Variants in ARID4A observed in about 807,000 individuals in gnomAD.
The protein encoded by ARID4A is AT-rich interaction domain 4A.
A neutral mutation model predicts 148.6 loss-of-function variants in ARID4A; 39 were observed. The observed-to-expected ratio is 0.26, with a 90% confidence interval of 0.20 to 0.34. The LOEUF is 0.34. Among genes scored for constraint, ARID4A ranks in the 10% least tolerant of loss-of-function variants. ARID4A has a pLI of 1.00. For missense variants in ARID4A, 1,265 were observed against 1,449.1 expected (o/e 0.87, Z 2.06); for synonymous variants, 475 against 481.2 (o/e 0.99, Z 0.17).
At chr14:58,365,467 CTTTTTT>C (rs71107938) in intron 20 of ARID4A, 45 bp from the exon 21 acceptor site, 133 of 351,380 alleles carry the variant, frequency 3.8e-4, no homozygotes, top group South Asian at 8.1e-4. Flanking sequence ...TATACTTGCT[CTTTTTT>C]TTTTTTTTTT....
At chr14:58,354,682 CATAA>C (rs1336937088) in intron 17 of ARID4A, among the ~76,000 whole-genome samples, 1 of 128,404 alleles carries the variant, frequency 7.8e-6, no homozygotes, top group Non-Finnish European at 1.7e-5. Flanking sequence ...AACCCTGTCT[CATAA>C]ATAAAAAAAA....
chr14:58,330,704 CA>C (rs2033472819), intron 11 of ARID4A, among the ~76,000 whole-genome samples: 1 of 152,098 alleles, frequency 6.6e-6, no homozygotes, highest in Non-Finnish European at 1.5e-5. Context: ...AAATCCTATC[CA>C]AACCCCAAAG....
intron 23 of ARID4A, among the ~76,000 whole-genome samples, 179 bp from the exon 24 acceptor site, chr14:58,371,703 GACTA>G (rs1390096367): frequency 6.6e-6 from 1 of 152,108 alleles, no homozygotes; most frequent in Admixed American, 6.6e-5. Context: ...ACTGACCAAA[GACTA>G]ACTCCACTTA....
intron 8 of ARID4A, among the ~76,000 whole-genome samples, chr14:58,324,529 C>G (rs1327334852): frequency 5.9e-5 from 9 of 152,184 alleles, no homozygotes; most frequent in Admixed American, 5.9e-4. Context: ...AATCTTCTCA[C>G]TTTGGCCTCC....
rs753080350 is a variant in ARID4A, at chr14:58,359,103, A to C, written c.1854-29A>C. ...GGTTATAATGTATAAAGTTTGTACAAACTCTTTTTTTTTTTTTTTTTTTTT... is the reference window on the plus strand; with the variant it reads ...GGTTATAATGTATAAAGTTTGTACACACTCTTTTTTTTTTTTTTTTTTTTT... On this transcript the variant is annotated intron_variant, in intron 17 of 23. Transcript: ENST00000355431. The C allele has an allele frequency of 3.6e-5, 53 of 1,467,856 alleles. 1 individual carries two copies. In the South Asian group the frequency reaches 6.5e-4, roughly 18 times the overall value. The allele number at this position is 1,467,856 out of a possible 1,614,324, so 90.9% of individuals were successfully genotyped here. A position where few individuals can be genotyped will look rare whatever the true frequency, so the allele number is the denominator to read the frequency against.
intron 11 of ARID4A, among the ~76,000 whole-genome samples, chr14:58,333,633 A>G (rs1044859408): frequency 6.6e-6 from 1 of 152,144 alleles, no homozygotes; most frequent in Admixed American, 6.5e-5. Flanking sequence ...ATTAATGCCT[A>G]AGATTATATT....
At chr14:58,363,081 T>C (rs1035890395) in intron 19 of ARID4A, among the ~76,000 whole-genome samples, 23 of 152,204 alleles carry the variant, frequency 1.5e-4, no homozygotes, top group South Asian at 2.1e-4. Context: ...GTGTCCAGTC[T>C]ATACAACTAC....
chr14:58,316,269 A>G (rs1422050125), intron 5 of ARID4A, among the ~76,000 whole-genome samples: 1 of 152,198 alleles, frequency 6.6e-6, no homozygotes, highest in Admixed American at 6.5e-5. Context: ...AATTAGTACT[A>G]AATCTTGATA....
chr14:58,347,720 A>G lies in ARID4A; in HGVS notation c.1246A>G (p.Lys416Glu), dbSNP rs1374844155. 6.2e-7 allele frequency: 1 copy of G among 1,613,908 alleles called. No homozygotes were observed. The highest frequency in any genetic ancestry group is 8.5e-7 in the Non-Finnish European group (1 of 1,179,952). Reference sequence around the variant, plus strand: ...CAGAACTGTTCATCACCATGAACCAAAAGTAAAAGAGGAAAAAAAAGACTT... The same window carrying G: ...CAGAACTGTTCATCACCATGAACCAGAAGTAAAAGAGGAAAAAAAAGACTT... ...QFRTVHHHEP[K>E]VKEEKKDLEE... The change falls in exon 15 of 24, where the codon AAA becomes GAA. Residue 416 changes from lysine to glutamate, a missense_variant. Physicochemically the swap from Lys to Glu is moderately conservative, Grantham distance 56. Around this residue, in one of 9 missense-constraint regions of ARID4A, gnomAD observed 205 missense variants for 196.9 expected, o/e 1.04. Coordinates refer to ENST00000355431, the MANE Select transcript of ARID4A (RefSeq NM_002892.4).
At chr14:58,358,217 C>G (rs1424182024) in intron 17 of ARID4A, among the ~76,000 whole-genome samples, 1 of 152,112 alleles carries the variant, frequency 6.6e-6, no homozygotes, top group East Asian at 1.9e-4. Context: ...CCCTATAATC[C>G]CAGCACTTTG....
intron 7 of ARID4A, among the ~76,000 whole-genome samples, chr14:58,322,363 C>G (rs535136226): frequency 3.9e-5 from 6 of 152,110 alleles, no homozygotes; most frequent in Non-Finnish European, 7.4e-5. Context: ...TCTAAGCTAA[C>G]TCCATAGACT....
intron 5 of ARID4A, among the ~76,000 whole-genome samples, chr14:58,313,270 TGA>T (rs755231719): frequency 3.9e-5 from 6 of 152,182 alleles, no homozygotes; most frequent in Non-Finnish European, 8.8e-5. Context: ...ACCGGTTTCG[TGA>T]GAGACAATTT....
At chr14:58,340,226 T>A (rs948879992) in intron 11 of ARID4A, among the ~76,000 whole-genome samples, 2 of 140,418 alleles carry the variant, frequency 1.4e-5, no homozygotes, top group Admixed American at 1.4e-4. Flanking sequence ...TTTTTCTACT[T>A]CTTCTTCTTC....
intron 8 of ARID4A, among the ~76,000 whole-genome samples, chr14:58,326,745 A>G (rs1241951887): frequency 1.3e-5 from 2 of 152,234 alleles, no homozygotes; most frequent in Non-Finnish European, 2.9e-5. Flanking sequence ...AGGTAAGGTA[A>G]TTAGACCTTG....
intron 10 of ARID4A, 22 bp downstream of exon 10, chr14:58,329,626 CTAT>C (rs759990660): frequency 6.5e-7 from 1 of 1,540,512 alleles, no homozygotes; most frequent in African/African-American, 1.4e-5. Context: ...ATGAATTACC[CTAT>C]TATTTTATGT....
At chr14:58,344,301 A>G (rs35266634) in intron 11 of ARID4A, among the ~76,000 whole-genome samples, 3,148 of 152,246 alleles carry the variant, frequency 0.021, 37 homozygotes, top group Admixed American at 0.033. Flanking sequence ...TTATATATAA[A>G]TATATGATAT....
At chr14:58,366,715 G>T (rs2035373616) in intron 22 of ARID4A, among the ~76,000 whole-genome samples, 168 bp from the exon 23 acceptor site, 1 of 152,138 alleles carries the variant, frequency 6.6e-6, no homozygotes, top group Non-Finnish European at 1.5e-5. Context: ...TCTTAATCAT[G>T]AATTTAATTC....
chr14:58,315,269 T>C (rs1456436551), intron 5 of ARID4A, among the ~76,000 whole-genome samples: 1 of 152,206 alleles, frequency 6.6e-6, no homozygotes, highest in Non-Finnish European at 1.5e-5. Flanking sequence ...TGATAAGGTA[T>C]ATTTAAGTGA....
rs2035669848 is a variant in ARID4A, at chr14:58,372,926, A to C, written c.*937A>C. ...TTAAAATATTAATAAAATTTAAAAA[A>C]AGAAAATTCTAGGTTAATTCACTCT... is the stretch of plus-strand genomic sequence containing the variant. On this transcript the variant is annotated 3_prime_UTR_variant, in exon 24 of 24. Coordinates refer to ENST00000355431, the MANE Select transcript of ARID4A (RefSeq NM_002892.4). 5.5e-6 allele frequency: 1 copy of C among 182,926 alleles called. No individual in the cohort carries two copies. The highest frequency in any genetic ancestry group is 2.0e-4 in the South Asian group (1 of 5,092). The allele number at this position is 182,926 out of a possible 1,614,324, so 11.3% of individuals were successfully genotyped here.
Sources: allele counts gnomAD v4.1 joint callset (sites outside exome capture counted in the v4.1 genomes callset), GRCh38; gene constraint gnomAD v4.1.1; regional missense constraint gnomAD v4.1.1; transcripts MANE v1.5; gene names NCBI Gene and HGNC (gene_info 2026-07-23, HGNC 2026-07-21).